ADGRD1: variants seen among roughly 807,000 people sequenced by gnomAD.
ADGRD1 encodes the protein adhesion G protein-coupled receptor D1, also known as G-protein coupled receptor 133.
In ADGRD1, 77 loss-of-function variants were observed where a neutral mutation model predicts 113.4. That is an observed-to-expected ratio of 0.68 (90% CI 0.57 to 0.82). The LOEUF (loss-of-function observed/expected upper bound fraction) is 0.82. ADGRD1 is among the 40% of genes least tolerant of loss of function. ADGRD1 has a pLI of 0.00. For synonymous variants in ADGRD1, 474 were observed against 475.0 expected (o/e 1.00, Z 0.03); for missense variants, 1,036 against 1,139.1 (o/e 0.91, Z 1.30).
intron 2 of ADGRD1, among the ~76,000 whole-genome samples, chr12:130,960,385 C>T (rs1593256123): frequency 6.6e-6 from 1 of 152,172 alleles, no homozygotes; most frequent in Non-Finnish European, 1.5e-5. Context: ...TTCTAAAGAA[C>T]TGTCAGAACT....
At chr12:131,106,890 C>T in intron 17 of ADGRD1, among the ~76,000 whole-genome samples, 1 of 152,358 alleles carries the variant, frequency 6.6e-6, no homozygotes, top group South Asian at 2.1e-4. Context: ...TGTGAAACCT[C>T]CCATGAGGAT....
chr12:131,006,030 C>T lies in ADGRD1; in HGVS notation c.1314C>T (p.Ile438=). The T allele has an allele frequency of 6.2e-7, 1 of 1,612,828 alleles. No individual in the cohort carries two copies. The highest frequency in any genetic ancestry group is 8.5e-7 in the Non-Finnish European group (1 of 1,179,964). Residue 438 remains isoleucine (I), a synonymous_variant, in exon 12 of 25, where the codon ATC becomes ATT. Transcript: ENST00000261654. ...GCATGCACTACTACCTGAACAACAT[C>T]TGGCCCGCCCACACCAAGTGAGTCT... The part of the protein sequence containing the change: ...YHSMHYYLNN[I]WPAHTKIAEA...
intron 13 of ADGRD1, among the ~76,000 whole-genome samples, chr12:131,046,674 T>G (rs1458298016): frequency 3.9e-5 from 5 of 129,138 alleles, no homozygotes; most frequent in East Asian, 2.6e-4. Flanking sequence ...TCCTCCCTGG[T>G]CAGTGCCCCC....
Position 131,057,219 on chromosome 12 carries a change from C to G in ADGRD1, c.1474-19582C>G, listed in dbSNP as rs1032399105. On this transcript the variant is annotated intron_variant, in intron 13 of 24. Transcript: ENST00000261654. The surrounding 1 kb of genome is among the most constrained non-coding windows in gnomAD (Gnocchi z 4.2). Reference sequence around the variant, plus strand: ...AAGAACTGCACGGAACGCTGCCTGGCGAGCGCCTGCTGGTGTTTGAGAGAA... The same window carrying G: ...AAGAACTGCACGGAACGCTGCCTGGGGAGCGCCTGCTGGTGTTTGAGAGAA... Among the ~76,000 whole-genome samples, 1 of 152,174 alleles carries G rather than the reference C, an allele frequency of 6.6e-6. No individual in the cohort carries two copies. Among genetic ancestry groups the G allele is most frequent in the African/African-American group, 2.4e-5 (1 of 41,444 alleles).
chr12:131,008,635 C>T (rs543079859), intron 12 of ADGRD1, among the ~76,000 whole-genome samples: 24 of 152,322 alleles, frequency 1.6e-4, no homozygotes, highest in South Asian at 1.5e-3. Context: ...GCTTCTTGCC[C>T]GGCTGCTTGT....
chr12:131,034,763 AG>A (rs1214086763), intron 13 of ADGRD1, among the ~76,000 whole-genome samples: 1 of 152,152 alleles, frequency 6.6e-6, no homozygotes, highest in African/African-American at 2.4e-5. Flanking sequence ...GCTCTGGAGA[AG>A]GTGGCTCTAC....
chr12:131,103,259 G>C (rs766700257), intron 15 of ADGRD1, among the ~76,000 whole-genome samples: 11 of 152,284 alleles, frequency 7.2e-5, no homozygotes, highest in Admixed American at 2.6e-4. Context: ...GGGAAATGCT[G>C]CTGGTGTCAT....
chr12:131,057,632 C>T lies in ADGRD1; in HGVS notation c.1474-19169C>T, dbSNP rs954358069. Reference sequence around the variant, plus strand: ...TCTTCCGTGTGTCATTGTCCTTTCCCGCAGTGTACGAGGACACTCAGATGG... The same window carrying T: ...TCTTCCGTGTGTCATTGTCCTTTCCTGCAGTGTACGAGGACACTCAGATGG... On this transcript the variant is annotated intron_variant, in intron 13 of 24. Transcript: ENST00000261654. This position sits in a 1 kb window ranked among gnomAD's most constrained non-coding sequence, Gnocchi z 4.2. 2.6e-5 allele frequency among the ~76,000 whole-genome samples: 4 copies of T among 152,174 alleles called. No homozygotes were observed. Among genetic ancestry groups the T allele is most frequent in the Admixed American group, 2.6e-4 (4 of 15,282 alleles).
chr12:130,986,780 C>T (rs1379584783), intron 5 of ADGRD1: 3 of 326,566 alleles, frequency 9.2e-6, no homozygotes, highest in Non-Finnish European at 1.7e-5. Context: ...GGCACTTGTG[C>T]CCTGCCATTT....
chr12:131,085,739 G>A (rs778613560), intron 15 of ADGRD1, among the ~76,000 whole-genome samples: 1 of 152,192 alleles, frequency 6.6e-6, no homozygotes, highest in African/African-American at 2.4e-5. Flanking sequence ...GGGAAACGGC[G>A]ATCTGTTGGA....
intron 22 of ADGRD1, among the ~76,000 whole-genome samples, chr12:131,136,604 A>G (rs1951093675): frequency 6.6e-6 from 1 of 152,204 alleles, no homozygotes; most frequent in South Asian, 2.1e-4. Context: ...ATGGGTCCCC[A>G]TCGCCATCCA....
chr12:131,128,806 A>G lies in ADGRD1; in HGVS notation c.2176-2919A>G, dbSNP rs114721146. Among the ~76,000 whole-genome samples the G allele has an allele frequency of 4.6e-3, 705 of 152,090 alleles. 4 individuals are homozygous for G. Among genetic ancestry groups the G allele is most frequent in the African/African-American group, 0.016 (658 of 41,400 alleles). Reference sequence around the variant, plus strand: ...CTGCCTGAGTCTGTCTCAGACCCACAAAGTGTTCCATAGAGTGGGTGTGGG... The same window carrying G: ...CTGCCTGAGTCTGTCTCAGACCCACGAAGTGTTCCATAGAGTGGGTGTGGG... On this transcript the variant is annotated intron_variant, in intron 20 of 24. Coordinates refer to ENST00000261654, the MANE Select transcript of ADGRD1 (RefSeq NM_198827.5).
intron 13 of ADGRD1, among the ~76,000 whole-genome samples, chr12:131,021,663 A>G (rs1188084133): frequency 6.6e-6 from 1 of 151,962 alleles, no homozygotes. Flanking sequence ...TCTTCTCCCT[A>G]TGTCCTCACA....
intron 18 of ADGRD1, 28 bp downstream of exon 18, chr12:131,108,905 C>G (rs770454791): frequency 6.7e-3 from 1,416 of 211,570 alleles, no homozygotes; most frequent in South Asian, 0.02. Flanking sequence ...GGTGGGATGG[C>G]GGGGCGGGAG....
chr12:131,110,522 A>G (rs1038881947), intron 18 of ADGRD1, among the ~76,000 whole-genome samples: 1 of 152,204 alleles, frequency 6.6e-6, no homozygotes, highest in Non-Finnish European at 1.5e-5. Flanking sequence ...TATACATGTT[A>G]CATCTGTATA....
intron 19 of ADGRD1, 110 bp from the exon 20 acceptor site, chr12:131,120,737 G>C (rs1188923748): frequency 1.0e-6 from 1 of 999,086 alleles, no homozygotes; most frequent in African/African-American, 1.6e-5. Flanking sequence ...GACTGCCCCA[G>C]GTGGACCCTG....
chr12:130,999,888 A>G (rs7975441), intron 8 of ADGRD1, among the ~76,000 whole-genome samples: 55,747 of 152,100 alleles, frequency 0.37, 10,647 homozygotes, highest in African/African-American at 0.47. Context: ...CCTTAGAATA[A>G]TAGTGAGCCG....
At chr12:130,963,228 G>A (rs188624948) in intron 2 of ADGRD1, among the ~76,000 whole-genome samples, 371 of 149,118 alleles carry the variant, frequency 2.5e-3, no homozygotes, top group South Asian at 9.0e-3. Context: ...GCTGAGGCAG[G>A]AGAATGGCGT....
chr12:131,119,134 C>T (rs1211973), intron 19 of ADGRD1, among the ~76,000 whole-genome samples: 122,419 of 152,214 alleles, frequency 0.8, 52,130 homozygotes, highest in East Asian at 0.93. Context: ...TGCTACCTGT[C>T]CTAGCCACGC....
Sources: gnomAD v4.1 joint callset for allele counts (sites outside exome capture counted in the v4.1 genomes callset) on GRCh38, gnomAD v4.1.1 for gene constraint, Gnocchi (gnomAD v3.1) non-coding constraint, MANE v1.5 for transcripts, NCBI Gene and HGNC (gene_info 2026-07-23, HGNC 2026-07-21) for gene names.